Variants in NDUFAF6 observed in about 807,000 individuals in gnomAD.
NDUFAF6 encodes the protein NADH:ubiquinone oxidoreductase complex assembly factor 6, also known as NADH dehydrogenase (ubiquinone) complex I, assembly factor 6.
A neutral mutation model predicts 40.8 loss-of-function variants in NDUFAF6; 45 were observed. That is an observed-to-expected ratio of 1.10 (90% CI 0.87 to 1.42). NDUFAF6 has a LOEUF of 1.42. Among genes scored for constraint, NDUFAF6 ranks in the 40% most tolerant of loss-of-function variants. The pLI, the probability that NDUFAF6 is intolerant of heterozygous loss-of-function variation, is 0.00. For missense variants in NDUFAF6, 435 were observed against 418.5 expected (o/e 1.04, Z -0.34); for synonymous variants, 185 against 155.9 (o/e 1.19, Z -1.39).
chr8:95,107,461 C>T (rs1015090189), downstream of NDUFAF6, among the ~76,000 whole-genome samples: 12 of 152,224 alleles, frequency 7.9e-5, no homozygotes, highest in Admixed American at 5.9e-4. Flanking sequence ...GGGAACATCA[C>T]ACACCGGGGC....
At chr8:95,107,639 G>C (rs1809878555), downstream of NDUFAF6, among the ~76,000 whole-genome samples, 1 of 151,938 alleles carries the variant, frequency 6.6e-6, no homozygotes, top group Non-Finnish European at 1.5e-5. Flanking sequence ...AAAAAAAAAA[G>C]TGTTACTCTG....
downstream of NDUFAF6, among the ~76,000 whole-genome samples, chr8:95,061,254 A>G (rs1362039839): frequency 6.6e-6 from 1 of 152,256 alleles, no homozygotes. Context: ...AATTAAGATC[A>G]GAGACTTGCG....
intron 1 of NDUFAF6, among the ~76,000 whole-genome samples, chr8:95,029,639 A>G (rs946807512): frequency 5.3e-5 from 8 of 152,240 alleles, no homozygotes; most frequent in Non-Finnish European, 1.0e-4. Context: ...GTCTTCTCCA[A>G]TCTGGAACAA....
chr8:94,954,834 A>C (rs1822938238), upstream of NDUFAF6, among the ~76,000 whole-genome samples: 1 of 152,200 alleles, frequency 6.6e-6, no homozygotes, highest in Non-Finnish European at 1.5e-5. Context: ...TGGCTTTTCC[A>C]ACACTTCCAG....
intron 1 of NDUFAF6, among the ~76,000 whole-genome samples, chr8:95,029,492 C>CA (rs1304523886): frequency 6.6e-6 from 1 of 152,206 alleles, no homozygotes; most frequent in Admixed American, 6.5e-5. Context: ...AATCACAGTA[C>CA]AGCCATCAAA....
At chr8:95,096,018 C>G (rs1587270682), upstream of NDUFAF6, among the ~76,000 whole-genome samples, 1 of 152,144 alleles carries the variant, frequency 6.6e-6, no homozygotes, top group South Asian at 2.1e-4. Flanking sequence ...ATCGTAACAC[C>G]TTCTAAAGCC....
chr8:95,046,814 G>C lies in NDUFAF6; in HGVS notation c.581-180G>C, dbSNP rs58963249. On this transcript the variant is annotated intron_variant, in intron 5 of 8. Transcript: ENST00000396124. ...AGTTGAGATTGAGATTTAGATATCT[G>C]CTAGTGGTAAATGGTCAACTTGTTA... is the stretch of plus-strand genomic sequence containing the variant. Among the ~76,000 whole-genome samples the C allele has an allele frequency of 0.018, 2,679 of 152,290 alleles. 80 individuals are homozygous for C. The highest frequency in any genetic ancestry group is 0.06 in the African/African-American group (2,482 of 41,538).
chr8:94,898,667 A>C (rs185045545), intron 1 of NDUFAF6, among the ~76,000 whole-genome samples: 1 of 152,280 alleles, frequency 6.6e-6, no homozygotes, highest in East Asian at 1.9e-4. Context: ...GAAGGAAGTC[A>C]CTGTGTGCAG....
At chr8:94,911,043 A>T (rs1175536842) in intron 1 of NDUFAF6, among the ~76,000 whole-genome samples, 1 of 152,206 alleles carries the variant, frequency 6.6e-6, no homozygotes. Flanking sequence ...AAATCTTCAT[A>T]CGTGTGTATA....
chr8:94,906,890 T>C (rs1818425410), intron 1 of NDUFAF6, among the ~76,000 whole-genome samples: 1 of 152,258 alleles, frequency 6.6e-6, no homozygotes, highest in Admixed American at 6.5e-5. Context: ...CCTGTTTATT[T>C]GTCTGTGTCT....
chr8:94,966,950 G>T (rs1824058590), intron 1 of NDUFAF6, among the ~76,000 whole-genome samples: 1 of 152,104 alleles, frequency 6.6e-6, no homozygotes, highest in Non-Finnish European at 1.5e-5. Flanking sequence ...TTTCAAGGGA[G>T]GCTGGAAATG....
chr8:94,947,819 C>T (rs1246869616), intron 2 of NDUFAF6, among the ~76,000 whole-genome samples: 3 of 152,210 alleles, frequency 2.0e-5, no homozygotes. Context: ...AAAACAAGAC[C>T]TTGGTCACAG....
rs1462048376 is a variant in NDUFAF6 at position 94,997,337 on chromosome 8, CACACACAGAGAG to C, written c.-84+16366_-84+16377del. 4.3e-3 allele frequency among the ~76,000 whole-genome samples: 579 copies of C among 134,560 alleles called. 8 individuals are homozygous for C. Among genetic ancestry groups the C allele is most frequent in the Admixed American group, 0.024 (309 of 13,110 alleles). 88.3% of individuals were successfully genotyped at this position (134,560 alleles called of 152,430 possible). On this transcript the variant is annotated intron_variant, in intron 2 of 9. Transcript: ENST00000396111. ...ACACACACACACACACACACACACA[CACACACAGAGAG>C]AGAGAGAGAGAGAGAGACAGAGAGA...
At chr8:95,027,895 G>A (rs1461669257) in intron 1 of NDUFAF6, among the ~76,000 whole-genome samples, 2 of 152,068 alleles carry the variant, frequency 1.3e-5, no homozygotes, top group South Asian at 2.1e-4. Flanking sequence ...CACCATCCTC[G>A]GCTCTCCTAG....
chr8:95,107,210 A>G (rs1587283527), downstream of NDUFAF6, among the ~76,000 whole-genome samples: 1 of 152,344 alleles, frequency 6.6e-6, no homozygotes, highest in East Asian at 1.9e-4. Context: ...ACTGTTCACA[A>G]TAGCAAAGAC....
chr8:95,114,219 T>A (rs1348350589), intron 4 of NDUFAF6, among the ~76,000 whole-genome samples: 1 of 152,138 alleles, frequency 6.6e-6, no homozygotes, highest in Non-Finnish European at 1.5e-5. Context: ...GGGCCCTCAG[T>A]GGCCTGAGGC....
intron 1 of NDUFAF6, among the ~76,000 whole-genome samples, chr8:94,965,746 G>A (rs78802294): frequency 0.13 from 19,916 of 152,194 alleles, 1,637 homozygotes; most frequent in Middle Eastern, 0.23. Context: ...TAGGTAGTTC[G>A]TAAAGTCATT....
chr8:95,093,237 C>T (rs12548497), intron 2 of NDUFAF6, among the ~76,000 whole-genome samples: 53 of 152,302 alleles, frequency 3.5e-4, no homozygotes, highest in African/African-American at 1.3e-3. Context: ...TTATCTATGT[C>T]TTGGGTTCCT....
At chr8:95,060,849 G>A (rs1832554487), downstream of NDUFAF6, among the ~76,000 whole-genome samples, 1 of 152,154 alleles carries the variant, frequency 6.6e-6, no homozygotes, top group African/African-American at 2.4e-5. Flanking sequence ...GTTAAAAAAG[G>A]TAATTACTAC....
Sources: allele counts gnomAD v4.1 joint callset (sites outside exome capture counted in the v4.1 genomes callset), GRCh38; gene constraint gnomAD v4.1.1; transcripts MANE v1.5; gene names NCBI Gene and HGNC (gene_info 2026-07-23, HGNC 2026-07-21).